Variants in ERCC8 observed in about 807,000 individuals in gnomAD.
The protein encoded by ERCC8 is ERCC excision repair 8, CSA ubiquitin ligase complex subunit.
In ERCC8, 52 loss-of-function variants were observed where a neutral mutation model predicts 54.9. The ratio of observed to expected loss-of-function variants is 0.95; its 90% CI spans 0.76 to 1.19. The LOEUF is 1.19. Ranked by LOEUF, ERCC8 falls within the 50% of genes most tolerant of loss-of-function variation. ERCC8 has a pLI of 0.00. For missense variants in ERCC8, 514 were observed against 466.1 expected (o/e 1.10, Z -0.95); for synonymous variants, 146 against 157.2 (o/e 0.93, Z 0.53).
chr5:60,869,316 GA>G lies in ERCC8; in HGVS notation c.*5298del, dbSNP rs1286264984. 6.6e-6 allele frequency among the ~76,000 whole-genome samples: 1 copy of G among 151,994 alleles called. No individual in the cohort carries two copies. The highest frequency in any genetic ancestry group is 1.5e-5 in the Non-Finnish European group (1 of 67,986). ...CATTGTGAAATAGTGATTTTGCTTT[GA>G]AAAATAATTGAGATTAGTTTGCTGA... On this transcript the variant is annotated 3_prime_UTR_variant, in exon 12 of 12. Coordinates refer to ENST00000676185, the MANE Select transcript of ERCC8 (RefSeq NM_000082.4).
chr5:60,942,537 G>T (rs528520488), intron 1 of ERCC8, among the ~76,000 whole-genome samples: 1 of 152,178 alleles, frequency 6.6e-6, no homozygotes, highest in African/African-American at 2.4e-5. Flanking sequence ...AGTGAAAGAA[G>T]CCAGACAAAA....
chr5:60,918,423 C>T lies in ERCC8; in HGVS notation c.276-35G>A, dbSNP rs528023398. The T allele has an allele frequency of 2.5e-6, 4 of 1,591,802 alleles. No homozygotes were observed. The Admixed American group carries it at 5.0e-5, about 20-fold the overall frequency. ...AGCAATCAAAATTTACATTAACTGACTTATGTGAGTTTCAAAACTGGTACT... is the reference window on the plus strand; with the variant it reads ...AGCAATCAAAATTTACATTAACTGATTTATGTGAGTTTCAAAACTGGTACT... On this transcript the variant is annotated intron_variant, in intron 3 of 11. Transcript: ENST00000676185.
rs544008521 is a variant in ERCC8, at chr5:60,926,114, T to C, written c.173+2750A>G. 1.8e-4 allele frequency among the ~76,000 whole-genome samples: 27 copies of C among 152,318 alleles called. No homozygotes were observed. The South Asian group carries it at 1.9e-3, about 11-fold the overall frequency. On this transcript the variant is annotated intron_variant, in intron 2 of 11. Coordinates refer to ENST00000676185, the MANE Select transcript of ERCC8 (RefSeq NM_000082.4). ...TGCTAGGATTACAGGTGTGAGCCAC[T>C]GCACCCGGCCTGTCATCTTTCAAGA...
intron 4 of ERCC8, chr5:60,909,973 A>AG (rs1490784302): frequency 1.3e-5 from 2 of 150,548 alleles, no homozygotes; most frequent in Non-Finnish European, 3.0e-5. Flanking sequence ...AAAAAAAAAA[A>AG]ATAATAATAA....
At chr5:60,943,780 G>A (rs188072519) in intron 1 of ERCC8, among the ~76,000 whole-genome samples, 1 of 152,202 alleles carries the variant, frequency 6.6e-6, no homozygotes, top group Non-Finnish European at 1.5e-5. Flanking sequence ...TAGATATGCA[G>A]ACTGAGGAAA....
chr5:60,898,842 A>G (rs113995393), intron 8 of ERCC8, among the ~76,000 whole-genome samples: 2,392 of 150,768 alleles, frequency 0.016, 32 homozygotes, highest in Middle Eastern at 0.046. Flanking sequence ...CAAAATTTAT[A>G]TCACTTACAA....
intron 5 of ERCC8, 33 bp downstream of exon 5, chr5:60,904,759 T>C (rs1198424701): frequency 4.4e-6 from 6 of 1,371,966 alleles, no homozygotes; most frequent in South Asian, 2.4e-5. Context: ...AAGTTTTCAG[T>C]ATGTCAAAAG....
chr5:60,869,359 CACT>C lies in ERCC8; in HGVS notation c.*5253_*5255del, dbSNP rs1561489909. Among the ~76,000 whole-genome samples the C allele has an allele frequency of 6.6e-6, 1 of 152,044 alleles. No individual in the cohort carries two copies. Among genetic ancestry groups the C allele is most frequent in the Non-Finnish European group, 1.5e-5 (1 of 67,994 alleles). On this transcript the variant is annotated 3_prime_UTR_variant, in exon 12 of 12. Transcript: ENST00000676185. ...GTTTGCTGATGCAATATTTTTCTAC[CACT>C]GTCTCATTTCGATTTTAAATAATAA... is the stretch of plus-strand genomic sequence containing the variant.
chr5:60,920,270 G>C (rs1749564308), intron 3 of ERCC8, among the ~76,000 whole-genome samples: 1 of 151,904 alleles, frequency 6.6e-6, no homozygotes, highest in African/African-American at 2.4e-5. Flanking sequence ...TTTCGCTTAA[G>C]ATAAGCAGAT....
At position 60,922,086 on chromosome 5, in the gene ERCC8, A is replaced by G; in HGVS notation, c.243T>C (p.Tyr81=). The G allele has an allele frequency of 1.9e-6, 3 of 1,610,672 alleles. No individual in the cohort carries two copies. The highest frequency in any genetic ancestry group is 2.2e-5 in the East Asian group (1 of 44,742). ...TGGAACACACTGCTTTACATGTGTA[A>G]TAAGATTGTCTGCTGGAGTTCTCAA... ...YDLENSSRQS[Y]YTCKAVCSIG... is the part of the protein sequence containing the mutation. Residue 81 remains tyrosine (Y), a synonymous_variant, in exon 3 of 12, where the codon TAT becomes TAC. Coordinates refer to ENST00000676185, the MANE Select transcript of ERCC8 (RefSeq NM_000082.4).
Position 60,892,907 on chromosome 5 carries a change from A to G in ERCC8, c.844-1821T>C, listed in dbSNP as rs1748607573. 4.1e-6 allele frequency: 3 copies of G among 734,406 alleles called. No individual in the cohort carries two copies. In the Admixed American group the frequency reaches 5.6e-5, roughly 14 times the overall value. The allele number at this position is 734,406 out of a possible 1,614,324, so 45.5% of individuals were successfully genotyped here. On this transcript the variant is annotated intron_variant, in intron 9 of 11. Transcript: ENST00000676185. ...TATTGGGAAGGCCTACAATGTCCAT[A>G]TGGATGTGGGTGCGCATTTCACCAA...
intron 9 of ERCC8, chr5:60,892,043 G>A: frequency 3.8e-6 from 2 of 530,078 alleles, no homozygotes; most frequent in South Asian, 1.4e-5. Flanking sequence ...TTACTCTTCA[G>A]GGAGGATGCT....
intron 10 of ERCC8, among the ~76,000 whole-genome samples, chr5:60,889,431 G>A (rs1288943862): frequency 2.6e-5 from 4 of 152,114 alleles, no homozygotes; most frequent in Non-Finnish European, 5.9e-5. Flanking sequence ...TCAGCCTCCT[G>A]CACAGCTGGG....
chr5:60,895,440 C>CT lies in ERCC8; in HGVS notation c.843+2835dup, dbSNP rs369027137. 1.6e-3 allele frequency among the ~76,000 whole-genome samples: 238 copies of CT among 151,884 alleles called. 1 individual carries two copies. Among genetic ancestry groups the CT allele is most frequent in the African/African-American group, 5.5e-3 (230 of 41,444 alleles). On this transcript the variant is annotated intron_variant, in intron 9 of 11. Coordinates refer to ENST00000676185, the MANE Select transcript of ERCC8 (RefSeq NM_000082.4). The stretch of plus-strand genomic sequence containing the variant: ...GTGGACTTGGGTTTTAAACACTCAT[C>CT]TTTTTTTTGCCCCTTATGAATAATG...
intron 2 of ERCC8, among the ~76,000 whole-genome samples, chr5:60,923,702 T>A (rs1246452579): frequency 1.3e-5 from 2 of 152,146 alleles, no homozygotes; most frequent in African/African-American, 4.8e-5. Context: ...TATGTCTCTT[T>A]TGGAAGTTAC....
intron 2 of ERCC8, among the ~76,000 whole-genome samples, chr5:60,926,252 T>G (rs1749747688): frequency 6.6e-6 from 1 of 152,218 alleles, no homozygotes; most frequent in South Asian, 2.1e-4. Context: ...GCTATTTAAC[T>G]CTCCAAGATA....
Position 60,874,731 on chromosome 5 carries a change from T to C in ERCC8, c.1123-48A>G, listed in dbSNP as rs4647151. ...AAAAGGAAGATTCTGTTTTTTCTAC[T>C]TCATAATTTTAGGCTCACAATAAAG... On this transcript the variant is annotated intron_variant, in intron 11 of 11. Coordinates refer to ENST00000676185, the MANE Select transcript of ERCC8 (RefSeq NM_000082.4). The C allele has an allele frequency of 0.093, 138,323 of 1,488,376 alleles. 7,662 individuals are homozygous for C. The highest frequency in any genetic ancestry group is 0.23 in the African/African-American group (16,267 of 70,794). The allele number at this position is 1,488,376 out of a possible 1,614,324, so 92.2% of individuals were successfully genotyped here.
At chr5:60,891,956 T>G in intron 9 of ERCC8, 1 of 527,126 alleles carries the variant, frequency 1.9e-6, no homozygotes, top group East Asian at 5.3e-5. Context: ...CCATCAGCAT[T>G]GCCAGAGAGG....
At chr5:60,887,324 CTA>C (rs1748423380) in intron 11 of ERCC8, 114 bp downstream of exon 11, 1 of 866,416 alleles carries the variant, frequency 1.2e-6, no homozygotes, top group African/African-American at 1.7e-5. Flanking sequence ...GTACCTGGGA[CTA>C]TAGGTGCATG....
Sources: gnomAD v4.1 joint callset for allele counts (sites outside exome capture counted in the v4.1 genomes callset) on GRCh38, gnomAD v4.1.1 for gene constraint, MANE v1.5 for transcripts, NCBI Gene and HGNC (gene_info 2026-07-23, HGNC 2026-07-21) for gene names.